The following SERPINA12 variants were observed in gnomAD, a reference collection of about 807,000 sequenced individuals.
The protein encoded by SERPINA12 is serpin family A member 12.
SERPINA12 carries 21 observed loss-of-function variants against 25.9 expected under a neutral mutation model. The observed-to-expected ratio is 0.81, with a 90% CI of 0.58 to 1.17. SERPINA12 has a LOEUF of 1.17. Among genes scored for constraint, SERPINA12 ranks in the 50% most tolerant of loss-of-function variants. The pLI, the probability that SERPINA12 is intolerant of heterozygous loss-of-function variation, is 0.00. For missense variants in SERPINA12, 562 were observed against 508.3 expected, an observed-to-expected ratio of 1.11 and a Z score of -1.02; for synonymous variants, 220 against 196.0, an observed-to-expected ratio of 1.12 and a Z score of -1.02.
intron 1 of SERPINA12, among the ~76,000 whole-genome samples, chr14:94,504,545 T>A (rs1270572307): frequency 6.6e-6 from 1 of 152,254 alleles, no homozygotes; most frequent in Non-Finnish European, 1.5e-5. Context: ...TTCCCATGTA[T>A]CCCTCACCAT....
At chr14:94,502,410 C>T (rs1489285441) in intron 1 of SERPINA12, among the ~76,000 whole-genome samples, 1 of 152,096 alleles carries the variant, frequency 6.6e-6, no homozygotes, top group African/African-American at 2.4e-5. Context: ...CCTCCCACAC[C>T]GTCCCGATCA....
At chr14:94,501,673 C>G (rs866418404) in intron 1 of SERPINA12, among the ~76,000 whole-genome samples, 3 of 129,902 alleles carry the variant, frequency 2.3e-5, no homozygotes, top group Non-Finnish European at 4.8e-5. Context: ...CCCGCCCCCC[C>G]ACCCCCGCCC....
At chr14:94,495,761 G>A (rs750709243) in intron 3 of SERPINA12, among the ~76,000 whole-genome samples, 6 of 152,122 alleles carry the variant, frequency 3.9e-5, no homozygotes, top group African/African-American at 7.2e-5. Flanking sequence ...GTATGTCCAC[G>A]CTGACACTAA....
intron 1 of SERPINA12, 81 bp from the exon 2 acceptor site, chr14:94,498,511 AC>A: frequency 8.7e-7 from 1 of 1,145,526 alleles, no homozygotes; most frequent in East Asian, 2.4e-5. Flanking sequence ...AAGAAGAAAT[AC>A]AGTGACTATT....
chr14:94,511,071 T>A (rs1294248916), upstream of SERPINA12, among the ~76,000 whole-genome samples: 1 of 152,112 alleles, frequency 6.6e-6, no homozygotes, highest in Non-Finnish European at 1.5e-5. Context: ...AAAAACCACC[T>A]GTACCCCAAA....
At chr14:94,490,291 C>T (rs555068635) in intron 3 of SERPINA12, among the ~76,000 whole-genome samples, 1 of 152,230 alleles carries the variant, frequency 6.6e-6, no homozygotes, top group Admixed American at 6.5e-5. Flanking sequence ...AAGGCAAATG[C>T]AGACAAGGCA....
chr14:94,489,491 T>C, intron 4 of SERPINA12, 129 bp downstream of exon 4: 1 of 1,036,656 alleles, frequency 9.6e-7, no homozygotes, highest in Non-Finnish European at 1.4e-6. Flanking sequence ...GGGGCACAGC[T>C]GCATTCATGC....
At chr14:94,512,333 C>G (rs933031514), upstream of SERPINA12, among the ~76,000 whole-genome samples, 1 of 152,196 alleles carries the variant, frequency 6.6e-6, no homozygotes, top group Admixed American at 6.5e-5. Flanking sequence ...TTCTCTGTGC[C>G]TCAGTATTTC....
At chr14:94,492,117 G>A (rs986664245) in intron 3 of SERPINA12, among the ~76,000 whole-genome samples, 1 of 152,158 alleles carries the variant, frequency 6.6e-6, no homozygotes, top group African/African-American at 2.4e-5. Context: ...CCTTAAGGAG[G>A]TGGGGACAGA....
chr14:94,513,065 C>T (rs2139867521), upstream of SERPINA12, among the ~76,000 whole-genome samples: 1 of 152,308 alleles, frequency 6.6e-6, no homozygotes, highest in African/African-American at 2.4e-5. Context: ...TGGAAGCAGC[C>T]ATCCCACGGC....
chr14:94,513,303 CT>C (rs1298616703), upstream of SERPINA12, among the ~76,000 whole-genome samples: 1 of 152,174 alleles, frequency 6.6e-6, no homozygotes, highest in Non-Finnish European at 1.5e-5. Flanking sequence ...AGGACAATTA[CT>C]TTCAGAGAGA....
At position 94,487,443 on chromosome 14, in the gene SERPINA12, C is replaced by T. The variant is rs555631497; in HGVS notation, c.1105G>A (p.Ala369Thr). 26 of 1,613,848 alleles carry T rather than the reference C, an allele frequency of 1.6e-5. No homozygotes were observed. Among genetic ancestry groups the T allele is most frequent in the South Asian group, 1.1e-4 (10 of 91,048 alleles). The change falls in exon 5 of 5, where the codon GCT (alanine) becomes ACT (threonine). Residue 369 changes from alanine (A) to threonine (T), a missense_variant. Coordinates refer to ENST00000677451, the MANE Select transcript of SERPINA12 (RefSeq NM_001382267.1). ...GGCAGAGTCTGTGCTCCGGTGCCAG[C>T]GGCCCCTTCCGTACCCCTCTCATCC... The part of the protein sequence containing the change: ...KMDERGTEGA[A>T]GTGAQTLPME...
intron 3 of SERPINA12, among the ~76,000 whole-genome samples, chr14:94,491,502 G>GT (rs1346826587): frequency 6.6e-6 from 1 of 152,046 alleles, no homozygotes; most frequent in Admixed American, 6.6e-5. Context: ...TGGTGGTGGT[G>GT]GTGTGTGTAG....
chr14:94,496,422 C>G lies in SERPINA12; in HGVS notation c.856G>C (p.Gly286Arg), dbSNP rs773908112. 8 of 1,614,002 alleles carry G rather than the reference C, an allele frequency of 5.0e-6. No individual in the cohort carries two copies. Among genetic ancestry groups the G allele is most frequent in the Middle Eastern group, 1.6e-4 (1 of 6,084 alleles). ...DEGKLKHLEK[G>R]LQVDTFSRWK... ...CTGGAGAAAGTGTCCACCTGCAATC[C>G]CTTCTCCAAGTGCTTCAGCTTGCCC... is the stretch of plus-strand genomic sequence containing the variant. Residue 286 changes from glycine (G) to arginine (R), a missense_variant, in exon 3 of 5, where the codon GGA becomes CGA. Physicochemically the swap from Gly to Arg is moderately radical, Grantham distance 125. Transcript: ENST00000677451.
chr14:94,511,923 C>G (rs1901121972), upstream of SERPINA12, among the ~76,000 whole-genome samples: 1 of 152,076 alleles, frequency 6.6e-6, no homozygotes, highest in Admixed American at 6.6e-5. Flanking sequence ...TATGGTAAAA[C>G]CCCATCTCTA....
At chr14:94,510,210 G>A (rs2139865408), upstream of SERPINA12, 3 of 985,366 alleles carry the variant, frequency 3.0e-6, no homozygotes, top group Non-Finnish European at 3.6e-6. Flanking sequence ...GCCTGAGAGA[G>A]CCAAACTATT....
At chr14:94,500,432 G>A (rs1431390720) in intron 1 of SERPINA12, among the ~76,000 whole-genome samples, 2 of 152,130 alleles carry the variant, frequency 1.3e-5, no homozygotes, top group Admixed American at 1.3e-4. Context: ...CCAGCTCCAA[G>A]GGAGGGCCTG....
In SERPINA12 at chr14:94,500,932, C is replaced by G. The variant is rs148225659; in HGVS notation, c.-33-2502G>C. The G allele has an allele frequency of 8.1e-5, 80 of 982,984 alleles. 1 individual carries two copies. In the East Asian group the frequency reaches 7.7e-3, roughly 95 times the overall value. 60.9% of individuals were successfully genotyped at this position (982,984 alleles called of 1,614,324 possible). ...GTAGGCAGGAGTTCTGTGCTCTGCT[C>G]TCATGCCTTCGTAGCTGTGTGACAT... On this transcript the variant is annotated intron_variant, in intron 1 of 4. Transcript: ENST00000677451.
chr14:94,495,066 T>TTTA (rs200340399), intron 3 of SERPINA12, among the ~76,000 whole-genome samples: 4 of 35,946 alleles, frequency 1.1e-4, no homozygotes, highest in Admixed American at 3.6e-4. Flanking sequence ...TTCCCTTTCT[T>TTTA]TTTTTTTTTT....
Sources: gnomAD v4.1 joint callset for allele counts (sites outside exome capture counted in the v4.1 genomes callset) on GRCh38, gnomAD v4.1.1 for gene constraint, MANE v1.5 for transcripts, NCBI Gene and HGNC (gene_info 2026-07-23, HGNC 2026-07-21) for gene names.